FAM13A: variants seen among roughly 807,000 people sequenced by gnomAD.
FAM13A encodes family with sequence similarity 13 member A, also known as protein FAM13A.
A neutral mutation model predicts 129.6 loss-of-function variants in FAM13A; 76 were observed. The ratio of observed to expected loss-of-function variants is 0.59; its 90% CI spans 0.49 to 0.71. The LOEUF (loss-of-function observed/expected upper bound fraction) is 0.71. FAM13A is among the 30% of genes least tolerant of loss of function. The probability of loss-of-function intolerance (pLI) is 0.00; values close to 1 mark genes in which losing one functional copy is unlikely to be tolerated. For synonymous variants in FAM13A, 443 were observed against 449.9 expected (o/e 0.98, Z 0.20); for missense variants, 1,108 against 1,249.3 (o/e 0.89, Z 1.70).
intron 5 of FAM13A, among the ~76,000 whole-genome samples, chr4:88,927,179 G>T (rs1579318118): frequency 6.6e-6 from 1 of 151,362 alleles, no homozygotes; most frequent in South Asian, 2.1e-4. Context: ...TCACCTTCTT[G>T]TTTAAATATA....
chr4:88,739,181 T>A, intron 19 of FAM13A, 56 bp from the exon 20 acceptor site: 4 of 1,140,442 alleles, frequency 3.5e-6, no homozygotes, highest in Non-Finnish European at 5.3e-6. Flanking sequence ...CACAACCAGC[T>A]GTCTAAGCAT....
intron 3 of FAM13A, among the ~76,000 whole-genome samples, chr4:88,999,674 C>T (rs1001490599): frequency 4.6e-5 from 7 of 152,078 alleles, no homozygotes; most frequent in Non-Finnish European, 1.0e-4. Flanking sequence ...TTAAACCAAG[C>T]CCAGAGTTAC....
At chr4:88,876,901 C>G (rs1391700721) in intron 6 of FAM13A, among the ~76,000 whole-genome samples, 3 of 152,140 alleles carry the variant, frequency 2.0e-5, no homozygotes, top group Non-Finnish European at 4.4e-5. Context: ...CGCGTCACTT[C>G]TTTATTAACA....
intron 6 of FAM13A, among the ~76,000 whole-genome samples, chr4:88,883,824 G>C (rs1021360517): frequency 1.1e-4 from 6 of 52,662 alleles, no homozygotes; most frequent in Non-Finnish European, 6.4e-5. Context: ...TGAAACGAGA[G>C]GTATTACAAT....
At chr4:88,991,279 G>A (rs1050571939) in intron 3 of FAM13A, 129 bp from the exon 4 acceptor site, 3 of 609,766 alleles carry the variant, frequency 4.9e-6, no homozygotes, top group Non-Finnish European at 5.5e-6. Context: ...TAGGCCTTGT[G>A]TATTTGACTT....
At chr4:88,841,721 T>G (rs539074616) in intron 7 of FAM13A, among the ~76,000 whole-genome samples, 2 of 152,248 alleles carry the variant, frequency 1.3e-5, no homozygotes, top group East Asian at 3.9e-4. Flanking sequence ...GAGACATCGC[T>G]TCACATCCAG....
At chr4:88,857,955 C>T (rs1317438802) in intron 6 of FAM13A, among the ~76,000 whole-genome samples, 1 of 152,192 alleles carries the variant, frequency 6.6e-6, no homozygotes, top group East Asian at 1.9e-4. Flanking sequence ...TCAGCTGATA[C>T]TATAAAATAT....
chr4:88,799,314 G>A (rs1332824916), intron 8 of FAM13A, among the ~76,000 whole-genome samples: 1 of 152,110 alleles, frequency 6.6e-6, no homozygotes, highest in African/African-American at 2.4e-5. Context: ...ACTAAAGGAT[G>A]GCTATTATTA....
In FAM13A at chr4:88,731,380, CCTTTT is replaced by C. The variant is rs772942276; in HGVS notation, c.2887_2891del (p.Lys963AspfsTer9). The C allele has an allele frequency of 4.4e-6, 7 of 1,608,158 alleles. No homozygotes were observed. The highest frequency in any genetic ancestry group is 5.9e-6 in the Non-Finnish European group (7 of 1,179,656). On this transcript the variant is annotated frameshift_variant, in exon 23 of 24. Transcript: ENST00000264344. LOFTEE classifies it high-confidence loss of function. The stretch of plus-strand genomic sequence containing the variant: ...CAAAATCCCGAAGTTTCTTTCGAAT[CCTTTT>C]CTTTTCTTCTCTCATTTCCTGGAGG...
chr4:88,881,167 C>T (rs1363636914), intron 6 of FAM13A, among the ~76,000 whole-genome samples: 1 of 152,230 alleles, frequency 6.6e-6, no homozygotes, highest in Non-Finnish European at 1.5e-5. Context: ...TGGAAGCCAA[C>T]CAAATAAAAC....
chr4:88,872,871 T>G (rs182121384), intron 6 of FAM13A, among the ~76,000 whole-genome samples: 8 of 152,252 alleles, frequency 5.3e-5, no homozygotes, highest in Non-Finnish European at 8.8e-5. Context: ...TATTCAAAAA[T>G]TGACCACATA....
chr4:88,852,458 G>A (rs1364167353), intron 6 of FAM13A, among the ~76,000 whole-genome samples: 2 of 152,088 alleles, frequency 1.3e-5, no homozygotes, highest in African/African-American at 4.8e-5. Context: ...CACGGCGCCT[G>A]GACTTAACTT....
chr4:88,729,279 A>G (rs796557352), intron 23 of FAM13A: 31 of 152,386 alleles, frequency 2.0e-4, no homozygotes, highest in African/African-American at 4.8e-4. Context: ...TAGAACCCTT[A>G]TAACACCTTG....
In FAM13A at chr4:88,732,037, C is replaced by G; in HGVS notation, c.2808G>C (p.Gln936His). Residue 936 changes from glutamine to histidine, a missense_variant, in exon 22 of 24, where the codon CAG becomes CAC. Physicochemically the swap from Gln to His is conservative, Grantham distance 24 (BLOSUM62 0). This residue lies in a region of FAM13A where 529 missense variants were observed against 621.2 expected (regional missense o/e 0.85). Coordinates refer to ENST00000264344, the MANE Select transcript of FAM13A (RefSeq NM_014883.4). ...MDDKIPSKCS[Q>H]DTGLSNLHAA... ...CATGGAGATTTGAAAGCCCTGTGTC[C>G]TGGCTGCATTTTGATGGTATTTTAT... 1 of 1,613,740 alleles carries G rather than the reference C, an allele frequency of 6.2e-7. No individual in the cohort carries two copies. The highest frequency in any genetic ancestry group is 8.5e-7 in the Non-Finnish European group (1 of 1,179,826).
intron 6 of FAM13A, among the ~76,000 whole-genome samples, chr4:88,876,823 C>T (rs1019848817): frequency 2.6e-5 from 4 of 152,154 alleles, no homozygotes; most frequent in African/African-American, 9.7e-5. Flanking sequence ...GATTTCCTGA[C>T]CTCGTGATCC....
At chr4:88,831,500 G>C (rs905165879) in intron 7 of FAM13A, among the ~76,000 whole-genome samples, 2 of 152,094 alleles carry the variant, frequency 1.3e-5, no homozygotes, top group Non-Finnish European at 2.9e-5. Context: ...GAAATACCAA[G>C]CGCAAGCATA....
At chr4:88,912,685 A>T (rs562338164) in intron 5 of FAM13A, among the ~76,000 whole-genome samples, 1 of 152,230 alleles carries the variant, frequency 6.6e-6, no homozygotes, top group South Asian at 2.1e-4. Context: ...AACTCCATAC[A>T]GTTGGCTGCT....
chr4:88,884,037 A>T (rs1192183318), intron 6 of FAM13A, among the ~76,000 whole-genome samples: 1 of 152,068 alleles, frequency 6.6e-6, no homozygotes, highest in Non-Finnish European at 1.5e-5. Flanking sequence ...CCAAAAAAAA[A>T]GTCCAGGAAA....
chr4:88,818,898 C>G (rs150547028), intron 7 of FAM13A, among the ~76,000 whole-genome samples: 74 of 152,316 alleles, frequency 4.9e-4, no homozygotes, highest in African/African-American at 1.4e-3. Context: ...CCAACATTAC[C>G]TGGGTTCTTC....
Sources: allele counts gnomAD v4.1 joint callset (sites outside exome capture counted in the v4.1 genomes callset), GRCh38; gene constraint gnomAD v4.1.1; regional missense constraint gnomAD v4.1.1; transcripts MANE v1.5; gene names NCBI Gene and HGNC (gene_info 2026-07-23, HGNC 2026-07-21).